Variants in NR2F1-AS1 observed in about 807,000 individuals in gnomAD.
The protein encoded by NR2F1-AS1 is NR2F1 antisense RNA 1.
upstream of NR2F1-AS1, chr5:93,585,576 G>A (rs1430485320): frequency 2.8e-6 from 3 of 1,080,898 alleles, no homozygotes; most frequent in East Asian, 2.6e-5. Context: ...GCTGTGTGGG[G>A]CTGGGGCTCC....
chr5:93,480,437 G>A (rs1011003508), intron 4 of NR2F1-AS1, among the ~76,000 whole-genome samples: 1 of 152,098 alleles, frequency 6.6e-6, no homozygotes, highest in Admixed American at 6.6e-5. Context: ...AAATGAAGAG[G>A]AAATTAAGAC....
At chr5:93,509,324 T>C (rs946947941) in intron 4 of NR2F1-AS1, among the ~76,000 whole-genome samples, 7 of 152,126 alleles carry the variant, frequency 4.6e-5, no homozygotes, top group South Asian at 2.1e-4. Context: ...GTATCTGCAT[T>C]GTCTAATACA....
chr5:93,467,783 C>A (rs927045760), intron 4 of NR2F1-AS1, among the ~76,000 whole-genome samples: 27 of 152,264 alleles, frequency 1.8e-4, no homozygotes, highest in Admixed American at 1.2e-3. Flanking sequence ...CCCATTAACT[C>A]GTCATTTATA....
At chr5:93,526,165 A>G (rs947986257) in intron 4 of NR2F1-AS1, among the ~76,000 whole-genome samples, 3 of 152,212 alleles carry the variant, frequency 2.0e-5, no homozygotes, top group Non-Finnish European at 2.9e-5. Flanking sequence ...AAAAAATGAT[A>G]AAGGCAATAT....
At chr5:93,450,782 G>A (rs1458504102) in intron 4 of NR2F1-AS1, among the ~76,000 whole-genome samples, 1 of 151,950 alleles carries the variant, frequency 6.6e-6, no homozygotes, top group Non-Finnish European at 1.5e-5. Context: ...CAAGATACAG[G>A]CCAGGTGCAG....
chr5:93,552,625 T>C (rs1405357991), intron 4 of NR2F1-AS1, among the ~76,000 whole-genome samples: 1 of 151,704 alleles, frequency 6.6e-6, no homozygotes, highest in African/African-American at 2.4e-5. Context: ...GACCTTGGGA[T>C]TTGTTTATAC....
rs546771469 is a variant in NR2F1-AS1, at chr5:93,456,065, A to G, written n.639-60523T>C. 3.3e-5 allele frequency among the ~76,000 whole-genome samples: 5 copies of G among 152,312 alleles called. No individual in the cohort carries two copies. The South Asian group carries it at 8.3e-4, about 25-fold the overall frequency. ...TATCCTCTAGCCACTTCTATTCAACATTGTACTGGAAATCCTAGAGAAAAA... is the reference window on the plus strand; with the variant it reads ...TATCCTCTAGCCACTTCTATTCAACGTTGTACTGGAAATCCTAGAGAAAAA... On this transcript the variant is annotated intron_variant and non_coding_transcript_variant, in intron 4 of 5. Transcript: ENST00000660523.
chr5:93,506,938 C>T (rs1751197352), intron 4 of NR2F1-AS1, among the ~76,000 whole-genome samples: 1 of 152,102 alleles, frequency 6.6e-6, no homozygotes, highest in Admixed American at 6.5e-5. Context: ...TTTAGTCAAG[C>T]AAAGTGTGTC....
At chr5:93,550,142 T>C (rs1158553500) in intron 4 of NR2F1-AS1, among the ~76,000 whole-genome samples, 2 of 152,114 alleles carry the variant, frequency 1.3e-5, no homozygotes, top group African/African-American at 4.8e-5. Flanking sequence ...GCCCATTTTA[T>C]TTTCAATCAC....
At chr5:93,578,504 C>A (rs374559510) in intron 1 of NR2F1-AS1, among the ~76,000 whole-genome samples, 3 of 152,196 alleles carry the variant, frequency 2.0e-5, no homozygotes, top group East Asian at 1.9e-4. Flanking sequence ...CCCGGCAAGG[C>A]CCTTACAGTT....
At chr5:93,534,446 G>T (rs1751798189) in intron 4 of NR2F1-AS1, among the ~76,000 whole-genome samples, 1 of 151,998 alleles carries the variant, frequency 6.6e-6, no homozygotes. Flanking sequence ...CAATTCAAAT[G>T]AAGAACTCCA....
At chr5:93,543,334 T>G (rs1751997699) in intron 4 of NR2F1-AS1, 2 of 152,118 alleles carry the variant, frequency 1.3e-5, no homozygotes, top group Non-Finnish European at 2.9e-5. Flanking sequence ...AAAACTACAC[T>G]TGCGTATTTA....
At chr5:93,481,733 C>T (rs1580263447) in intron 4 of NR2F1-AS1, among the ~76,000 whole-genome samples, 2 of 151,654 alleles carry the variant, frequency 1.3e-5, no homozygotes, top group Non-Finnish European at 2.9e-5. Context: ...TGAAATGAAG[C>T]TAGAAATAAA....
intron 4 of NR2F1-AS1, among the ~76,000 whole-genome samples, chr5:93,505,001 A>T (rs1751156369): frequency 1.3e-5 from 2 of 152,146 alleles, no homozygotes. Context: ...CTCATCTGAG[A>T]CCAGGCAAGT....
chr5:93,492,396 G>A (rs1184029497), intron 4 of NR2F1-AS1, among the ~76,000 whole-genome samples: 5 of 152,126 alleles, frequency 3.3e-5, no homozygotes, highest in Non-Finnish European at 5.9e-5. Context: ...TCATCAAGAA[G>A]TTCAGTAAAT....
intron 4 of NR2F1-AS1, among the ~76,000 whole-genome samples, chr5:93,471,521 T>A (rs1046042617): frequency 9.2e-5 from 14 of 151,840 alleles, no homozygotes; most frequent in Admixed American, 2.0e-4. Context: ...CCTAATAAAA[T>A]TTTCAGAAAA....
At chr5:93,429,884 A>G (rs879258214) in intron 4 of NR2F1-AS1, among the ~76,000 whole-genome samples, 5 of 152,234 alleles carry the variant, frequency 3.3e-5, no homozygotes, top group Admixed American at 1.3e-4. Context: ...ACAGTTACAC[A>G]TATTGTACAA....
intron 4 of NR2F1-AS1, among the ~76,000 whole-genome samples, chr5:93,530,872 A>T (rs1344022558): frequency 6.6e-6 from 1 of 152,188 alleles, no homozygotes; most frequent in Non-Finnish European, 1.5e-5. Context: ...TGATTTGTCT[A>T]AGGTTACTTT....
At chr5:93,471,535 A>T (rs1215137527) in intron 4 of NR2F1-AS1, among the ~76,000 whole-genome samples, 1 of 151,930 alleles carries the variant, frequency 6.6e-6, no homozygotes, top group Non-Finnish European at 1.5e-5. Context: ...CAGAAAATGT[A>T]TATAAAATAT....
Sources: allele counts gnomAD v4.1 joint callset (sites outside exome capture counted in the v4.1 genomes callset), GRCh38; gene constraint gnomAD v4.1.1; transcripts MANE v1.5; gene names NCBI Gene and HGNC (gene_info 2026-07-23, HGNC 2026-07-21).